Variants in NRG1 observed in about 807,000 individuals in gnomAD.
The protein encoded by NRG1 is neuregulin 1, also known as pro-neuregulin-1, membrane-bound isoform.
Under a neutral mutation model 63.8 loss-of-function variants are expected in NRG1, and 18 were observed. That is an observed-to-expected ratio of 0.28 (90% CI 0.19 to 0.42). NRG1 has a LOEUF of 0.42. NRG1 is among the 10% of genes least tolerant of loss of function. NRG1 has a pLI of 1.00. For synonymous variants in NRG1, 302 were observed against 301.3 expected, an observed-to-expected ratio of 1.00 and a Z score of -0.02; for missense variants, 762 against 814.7, an observed-to-expected ratio of 0.94 and a Z score of 0.79.
At chr8:32,342,839 A>C (rs1169682208) in intron 1 of NRG1, among the ~76,000 whole-genome samples, 1 of 152,234 alleles carries the variant, frequency 6.6e-6, no homozygotes, top group African/African-American at 2.4e-5. Flanking sequence ...AATTCAGAAT[A>C]AATGAGGTGT....
At chr8:31,957,830 T>C (rs1804704131) in intron 1 of NRG1, among the ~76,000 whole-genome samples, 1 of 152,164 alleles carries the variant, frequency 6.6e-6, no homozygotes, top group Non-Finnish European at 1.5e-5. Context: ...TCATTTCTTA[T>C]ATTAAGTTGT....
intron 7 of NRG1, chr8:32,749,382 G>A (rs1330868063): frequency 1.2e-5 from 8 of 678,412 alleles, no homozygotes; most frequent in Non-Finnish European, 1.8e-5. Context: ...TTCCCTATGT[G>A]AACTCACAGA....
intron 1 of NRG1, among the ~76,000 whole-genome samples, chr8:32,478,318 G>T (rs560246938): frequency 6.6e-6 from 1 of 152,136 alleles, no homozygotes. Context: ...CAGCCGGAGC[G>T]GTCTCTTCAG....
At chr8:31,706,412 C>T (rs1280102593) in intron 1 of NRG1, among the ~76,000 whole-genome samples, 1 of 151,992 alleles carries the variant, frequency 6.6e-6, no homozygotes, top group African/African-American at 2.4e-5. Flanking sequence ...AGCTGCATAT[C>T]ATTTCCTTGC....
At chr8:32,523,382 G>T (rs1047689729) in intron 1 of NRG1, among the ~76,000 whole-genome samples, 1 of 152,020 alleles carries the variant, frequency 6.6e-6, no homozygotes, top group Non-Finnish European at 1.5e-5. Context: ...ATTTTTATTA[G>T]GGAAAATATA....
At chr8:32,684,102 G>A (rs10103622) in intron 5 of NRG1, among the ~76,000 whole-genome samples, 1 of 152,064 alleles carries the variant, frequency 6.6e-6, no homozygotes, top group Admixed American at 6.5e-5. Flanking sequence ...GGAGGCGGAG[G>A]TTGCAGTGAG....
intron 5 of NRG1, among the ~76,000 whole-genome samples, chr8:32,664,608 A>T (rs2919394): frequency 0.052 from 7,976 of 152,034 alleles, 642 homozygotes; most frequent in East Asian, 0.37. Flanking sequence ...TTTTGGAAAT[A>T]AACTGATGGT....
intron 5 of NRG1, among the ~76,000 whole-genome samples, chr8:32,691,635 G>C (rs1811684789): frequency 6.6e-6 from 1 of 152,202 alleles, no homozygotes; most frequent in Non-Finnish European, 1.5e-5. Context: ...TTTTTTGAAA[G>C]TTCATGTACT....
intron 1 of NRG1, among the ~76,000 whole-genome samples, chr8:32,329,361 GGATTCCAAAATGTA>G (rs1213491214): frequency 5.3e-5 from 8 of 151,994 alleles, no homozygotes; most frequent in African/African-American, 1.9e-4. Context: ...AAGGACAATT[GGATTCCAAAATGTA>G]GATTATATGT....
At chr8:32,134,670 A>G (rs1835275180) in intron 1 of NRG1, among the ~76,000 whole-genome samples, 2 of 152,188 alleles carry the variant, frequency 1.3e-5, no homozygotes. Context: ...TGAGAAATTA[A>G]GTTCACACAT....
intron 1 of NRG1, among the ~76,000 whole-genome samples, chr8:32,345,912 G>A (rs935083319): frequency 6.6e-6 from 1 of 151,914 alleles, no homozygotes; most frequent in Non-Finnish European, 1.5e-5. Context: ...AGAGGCTGAG[G>A]CAGGAGAATC....
chr8:31,941,693 G>T (rs1411676280), intron 1 of NRG1, among the ~76,000 whole-genome samples: 1 of 152,122 alleles, frequency 6.6e-6, no homozygotes, highest in African/African-American at 2.4e-5. Context: ...ATTCAGCAAA[G>T]TTTCAGGATA....
At chr8:32,272,370 A>G (rs930956801) in intron 1 of NRG1, among the ~76,000 whole-genome samples, 5 of 152,106 alleles carry the variant, frequency 3.3e-5, no homozygotes, top group Admixed American at 3.3e-4. Flanking sequence ...TTTAAACCTA[A>G]TTACTTCCCA....
rs540173972 is a variant in NRG1, at chr8:32,122,894, G to A, written c.38-472934G>A. Among the ~76,000 whole-genome samples the A allele has an allele frequency of 4.6e-5, 7 of 151,704 alleles. No homozygotes were observed. The South Asian group carries it at 1.0e-3, about 23-fold the overall frequency. On this transcript the variant is annotated intron_variant, in intron 1 of 10. Transcript: ENST00000519301. ...ACGGTGTTTGGTTTTTTGTCTTTGC[G>A]ATAGTTTACTGAGAATGATGATTTC...
At chr8:31,792,226 A>C (rs540057708) in intron 1 of NRG1, among the ~76,000 whole-genome samples, 1 of 152,330 alleles carries the variant, frequency 6.6e-6, no homozygotes, top group South Asian at 2.1e-4. Context: ...ATATTAATAC[A>C]CAGAACTTTT....
At chr8:31,884,453 A>G in intron 1 of NRG1, among the ~76,000 whole-genome samples, 1 of 152,054 alleles carries the variant, frequency 6.6e-6, no homozygotes, top group Admixed American at 6.6e-5. Context: ...TCTCAGAGTA[A>G]TGGCTCCTCC....
rs535069291 is a variant in NRG1 at position 32,392,963 on chromosome 8, G to A, written c.38-202865G>A. 2.6e-5 allele frequency among the ~76,000 whole-genome samples: 4 copies of A among 152,114 alleles called. No individual in the cohort carries two copies. In the South Asian group the frequency reaches 6.2e-4, roughly 24 times the overall value. The stretch of plus-strand genomic sequence containing the variant: ...GCTCCCATTATGCCAGGCCTAGCAG[G>A]GCTGTCCCACTGTCTCTGCCCTCAC... On this transcript the variant is annotated intron_variant, in intron 1 of 10. Coordinates refer to the NRG1 transcript ENST00000519301.
At chr8:32,396,945 C>T (rs1812509476) in intron 1 of NRG1, among the ~76,000 whole-genome samples, 1 of 152,136 alleles carries the variant, frequency 6.6e-6, no homozygotes, top group Non-Finnish European at 1.5e-5. Flanking sequence ...CTATTACTCA[C>T]CTTAAAATTC....
At chr8:31,835,190 G>A (rs149000682) in intron 1 of NRG1, among the ~76,000 whole-genome samples, 1 of 152,220 alleles carries the variant, frequency 6.6e-6, no homozygotes, top group African/African-American at 2.4e-5. Flanking sequence ...AATTATGAAC[G>A]CATTTTACAA....
Sources: gnomAD v4.1 joint callset for allele counts (sites outside exome capture counted in the v4.1 genomes callset) on GRCh38, gnomAD v4.1.1 for gene constraint, MANE v1.5 for transcripts, NCBI Gene and HGNC (gene_info 2026-07-23, HGNC 2026-07-21) for gene names.